Variants in SARDH observed in about 807,000 individuals in gnomAD.
SARDH encodes the protein sarcosine dehydrogenase.
In SARDH, 95 loss-of-function variants were observed where a neutral mutation model predicts 109.1. The ratio of observed to expected loss-of-function variants is 0.87; its 90% confidence interval spans 0.74 to 1.03. SARDH has a LOEUF of 1.03. SARDH is among the 50% of genes least tolerant of loss of function. The pLI, the probability that SARDH is intolerant of heterozygous loss-of-function variation, is 0.00. For synonymous variants in SARDH, 572 were observed against 534.8 expected, an observed-to-expected ratio of 1.07 and a Z score of -0.96; for missense variants, 1,267 against 1,287.8, an observed-to-expected ratio of 0.98 and a Z score of 0.25.
intron 17 of SARDH, 117 bp downstream of exon 17, chr9:133,685,076 G>A (rs547821837): frequency 1.8e-5 from 14 of 791,608 alleles, no homozygotes; most frequent in East Asian, 8.1e-5. Flanking sequence ...GTTGGGGACC[G>A]AGGCCCAGGG....
chr9:133,698,046 G>C (rs899857556), intron 13 of SARDH, among the ~76,000 whole-genome samples: 3 of 124,084 alleles, frequency 2.4e-5, no homozygotes, highest in African/African-American at 9.0e-5. Context: ...AAAACTGTTA[G>C]AACTAATAAA....
chr9:133,727,488 G>C (rs1832532830), intron 6 of SARDH, among the ~76,000 whole-genome samples: 1 of 152,230 alleles, frequency 6.6e-6, no homozygotes, highest in Admixed American at 6.5e-5. Context: ...CTTGTTCTGT[G>C]GCCCATCCAA....
chr9:133,711,463 C>T (rs1019528989), intron 10 of SARDH, among the ~76,000 whole-genome samples: 1 of 152,244 alleles, frequency 6.6e-6, no homozygotes, highest in African/African-American at 2.4e-5. Flanking sequence ...TTTATCATTT[C>T]CGGGACATTC....
At chr9:133,665,855 TC>T (rs1303814233) in intron 20 of SARDH, among the ~76,000 whole-genome samples, 1 of 152,226 alleles carries the variant, frequency 6.6e-6, no homozygotes, top group Non-Finnish European at 1.5e-5. Flanking sequence ...CATCAGGGGC[TC>T]AGGCTGGAAG....
At chr9:133,699,398 G>A (rs909103914) in intron 13 of SARDH, among the ~76,000 whole-genome samples, 1 of 151,884 alleles carries the variant, frequency 6.6e-6, no homozygotes, top group Admixed American at 6.6e-5. Flanking sequence ...CCCAGCTACT[G>A]AGGAGGCTGA....
chr9:133,684,902 G>A (rs912284554), intron 17 of SARDH, among the ~76,000 whole-genome samples: 2 of 152,204 alleles, frequency 1.3e-5, no homozygotes, highest in African/African-American at 4.8e-5. Flanking sequence ...AATAGGTGGC[G>A]ATGCAGGCAG....
intron 5 of SARDH, 34 bp downstream of exon 5, chr9:133,730,030 G>T: frequency 6.2e-7 from 1 of 1,612,332 alleles, no homozygotes; most frequent in Non-Finnish European, 8.5e-7. Flanking sequence ...AGCCAGCATG[G>T]CCACACAGGA....
chr9:133,737,951 C>T (rs1832938594), intron 1 of SARDH, among the ~76,000 whole-genome samples: 1 of 152,220 alleles, frequency 6.6e-6, no homozygotes, highest in Non-Finnish European at 1.5e-5. Context: ...AACAACTTAA[C>T]CTCACTGCAA....
At chr9:133,734,787 C>A (rs1832826590) in intron 1 of SARDH, among the ~76,000 whole-genome samples, 1 of 152,174 alleles carries the variant, frequency 6.6e-6, no homozygotes, top group African/African-American at 2.4e-5. Context: ...ACACTCACCC[C>A]CAGATCACAG....
Position 133,734,112 on chromosome 9 carries a change from C to G in SARDH, c.62G>C (p.Arg21Pro). 1 of 1,611,722 alleles carries G rather than the reference C, an allele frequency of 6.2e-7. No individual in the cohort carries two copies. The highest frequency in any genetic ancestry group is 8.5e-7 in the Non-Finnish European group (1 of 1,179,446). Residue 21 changes from arginine to proline, a missense_variant, in exon 2 of 21, where the codon CGG (arginine) becomes CCG (proline). Arg to Pro is a moderately radical substitution (Grantham distance 103). Coordinates refer to ENST00000439388, the MANE Select transcript of SARDH (RefSeq NM_001134707.2). The part of the protein sequence containing the change: ...AAAHPRQSPT[R>P]GMGPCNLSSA... ...GGACAGGTTGCATGGCCCCATGCCC[C>G]GGGTAGGGCTCTGGCGAGGGTGGGC...
At chr9:133,703,311 C>A (rs963121681) in intron 12 of SARDH, 4 of 471,268 alleles carry the variant, frequency 8.5e-6, no homozygotes, top group Non-Finnish European at 1.6e-5. Flanking sequence ...AGGTGGGGAA[C>A]GACAGGGAGA....
intron 16 of SARDH, among the ~76,000 whole-genome samples, chr9:133,689,994 A>G (rs1029479727): frequency 1.3e-5 from 2 of 152,166 alleles, no homozygotes; most frequent in Admixed American, 6.5e-5. Flanking sequence ...ACCCCTCGGT[A>G]TAGGATATTA....
chr9:133,667,411 C>T (rs1830114155), intron 19 of SARDH, among the ~76,000 whole-genome samples: 1 of 151,932 alleles, frequency 6.6e-6, no homozygotes, highest in African/African-American at 2.4e-5. Flanking sequence ...AGTGATCTGC[C>T]CACCTCAGCC....
chr9:133,684,628 C>T (rs1465348149), intron 17 of SARDH, among the ~76,000 whole-genome samples: 1 of 152,196 alleles, frequency 6.6e-6, no homozygotes, highest in Non-Finnish European at 1.5e-5. Flanking sequence ...TGGCTCCGGA[C>T]ACTACCACCA....
chr9:133,694,176 C>T (rs1588413047), intron 15 of SARDH, 82 bp downstream of exon 15: 12 of 1,038,714 alleles, frequency 1.2e-5, no homozygotes, highest in East Asian at 7.9e-5. Context: ...CAGCCCATCC[C>T]GTCCATCCTG....
intron 18 of SARDH, among the ~76,000 whole-genome samples, chr9:133,671,149 C>T (rs1398133437): frequency 1.3e-5 from 2 of 152,276 alleles, no homozygotes; most frequent in East Asian, 3.9e-4. Context: ...AGGGTCTGGG[C>T]TTCTTCCAGA....
Position 133,718,508 on chromosome 9 carries a change from G to T in SARDH, c.1020+430C>A. 1.7e-6 allele frequency: 1 copy of T among 582,276 alleles called. No individual in the cohort carries two copies. Among genetic ancestry groups the T allele is most frequent in the Non-Finnish European group, 3.1e-6 (1 of 325,864 alleles). 36.1% of individuals were successfully genotyped at this position (582,276 alleles called of 1,614,324 possible). A position where few individuals can be genotyped will look rare whatever the true frequency, so the allele number is the denominator to read the frequency against. On this transcript the variant is annotated intron_variant, in intron 7 of 20. Transcript: ENST00000439388. The surrounding 1 kb of genome is among the most constrained non-coding windows in gnomAD (Gnocchi z 4.2). ...TAGCCACTCAGTCGTTCCATGTGTG[G>T]ACTAAATGCATATACACATAGAACA...
downstream of SARDH, among the ~76,000 whole-genome samples, chr9:133,660,145 C>A (rs1280517742): frequency 6.6e-6 from 1 of 151,580 alleles, no homozygotes; most frequent in African/African-American, 2.4e-5. Flanking sequence ...CCCCCTACCC[C>A]GCTCCAGCAG....
Position 133,692,175 on chromosome 9 carries a change from G to A in SARDH, c.1922-1648C>T, listed in dbSNP as rs772640660. On this transcript the variant is annotated intron_variant, in intron 15 of 20. Coordinates refer to ENST00000439388, the MANE Select transcript of SARDH (RefSeq NM_001134707.2). This position sits in a 1 kb window ranked among gnomAD's most constrained non-coding sequence, Gnocchi z 5.0. ...ATTCTCCATCGCAGCCCCGGGAGGCGCGTCTTCCTCACTCCATTCCACCAA... is the reference window on the plus strand; with the variant it reads ...ATTCTCCATCGCAGCCCCGGGAGGCACGTCTTCCTCACTCCATTCCACCAA... Among the ~76,000 whole-genome samples the A allele has an allele frequency of 1.3e-5, 2 of 152,120 alleles. No individual in the cohort carries two copies. The highest frequency in any genetic ancestry group is 2.1e-4 in the South Asian group (1 of 4,822).
Sources: allele counts gnomAD v4.1 joint callset (sites outside exome capture counted in the v4.1 genomes callset), GRCh38; gene constraint gnomAD v4.1.1; non-coding constraint Gnocchi (gnomAD v3.1); transcripts MANE v1.5; gene names NCBI Gene and HGNC (gene_info 2026-07-23, HGNC 2026-07-21).